Variants in IGF2BP2 observed in about 807,000 individuals in gnomAD.
IGF2BP2 encodes the protein insulin-like growth factor 2 mRNA-binding protein 2.
In IGF2BP2, 17 loss-of-function variants were observed where a neutral mutation model predicts 75.8. That is an observed-to-expected ratio of 0.22 (90% CI 0.15 to 0.34). IGF2BP2 has a LOEUF of 0.34. Among genes scored for constraint, IGF2BP2 ranks in the 10% least tolerant of loss-of-function variants. The pLI is 1.00. For missense variants in IGF2BP2, 516 were observed against 772.4 expected (o/e 0.67, Z 3.93); for synonymous variants, 288 against 295.6 (o/e 0.97, Z 0.26).
chr3:185,808,207 G>T (rs1739309685), intron 2 of IGF2BP2, among the ~76,000 whole-genome samples: 1 of 152,042 alleles, frequency 6.6e-6, no homozygotes, highest in Non-Finnish European at 1.5e-5. Context: ...CGGGCATGGT[G>T]GCTCACACCT....
At chr3:185,673,230 C>T (rs1414175074) in intron 9 of IGF2BP2, among the ~76,000 whole-genome samples, 1 of 152,212 alleles carries the variant, frequency 6.6e-6, no homozygotes, top group African/African-American at 2.4e-5. Context: ...TTACCTCTTC[C>T]CCTTTCAGAC....
intron 2 of IGF2BP2, among the ~76,000 whole-genome samples, chr3:185,780,487 T>C (rs1578276554): frequency 1.3e-5 from 2 of 152,176 alleles, no homozygotes; most frequent in African/African-American, 4.8e-5. Context: ...ACTGCGGGTA[T>C]TTGGTACACT....
At chr3:185,646,574 C>G (rs1214881478) in intron 15 of IGF2BP2, among the ~76,000 whole-genome samples, 1 of 152,014 alleles carries the variant, frequency 6.6e-6, no homozygotes, top group African/African-American at 2.4e-5. Context: ...GTGGTGAGAC[C>G]GAAGAGGAGG....
chr3:185,820,276 A>AC (rs1741205251), intron 2 of IGF2BP2, among the ~76,000 whole-genome samples: 1 of 149,360 alleles, frequency 6.7e-6, no homozygotes, highest in African/African-American at 2.5e-5. Context: ...ACACACACAT[A>AC]ATTTTTAAGT....
intron 2 of IGF2BP2, among the ~76,000 whole-genome samples, chr3:185,759,071 C>T (rs965886096): frequency 6.6e-6 from 1 of 152,206 alleles, no homozygotes; most frequent in Non-Finnish European, 1.5e-5. Flanking sequence ...AGTAGACACA[C>T]AAATGTTTGC....
At chr3:185,691,289 G>A (rs1721920850) in intron 5 of IGF2BP2, among the ~76,000 whole-genome samples, 1 of 150,804 alleles carries the variant, frequency 6.6e-6, no homozygotes, top group Non-Finnish European at 1.5e-5. Context: ...GTAGAGATGG[G>A]GTTTCTCCAT....
rs55701287 is a variant in IGF2BP2 at position 185,713,384 on chromosome 3, C to T, written c.240-15037G>A. 55,231 of 519,418 alleles carry T rather than the reference C, an allele frequency of 0.11. 3,784 individuals are homozygous for T. Among genetic ancestry groups the T allele is most frequent in the African/African-American group, 0.26 (13,306 of 51,924 alleles). 32.2% of individuals were successfully genotyped at this position (519,418 alleles called of 1,614,324 possible). On this transcript the variant is annotated intron_variant, in intron 2 of 15. Coordinates refer to ENST00000382199, the MANE Select transcript of IGF2BP2 (RefSeq NM_006548.6). Reference sequence around the variant, plus strand: ...AGCAGCAGGTGAGGAAAACTTAAGGCATGGCACATTTATTGGAAAAGCAGC... The same window carrying T: ...AGCAGCAGGTGAGGAAAACTTAAGGTATGGCACATTTATTGGAAAAGCAGC...
At chr3:185,671,535 C>CAAAAAAAAAAAAA (rs397706922) in intron 10 of IGF2BP2, among the ~76,000 whole-genome samples, 1 of 88,756 alleles carries the variant, frequency 1.1e-5, no homozygotes, top group African/African-American at 3.7e-5. Context: ...GACTCCATCT[C>CAAAAAAAAAAAAA]AAAAAAAAAA....
chr3:185,749,022 G>C (rs1417017318), intron 2 of IGF2BP2, among the ~76,000 whole-genome samples: 2 of 152,036 alleles, frequency 1.3e-5, no homozygotes, highest in Non-Finnish European at 1.5e-5. Context: ...AAATTAGCTG[G>C]GCATGCTGGC....
chr3:185,823,233 G>A lies in IGF2BP2; in HGVS notation c.179-20C>T. 6.3e-7 allele frequency: 1 copy of A among 1,597,510 alleles called. No individual in the cohort carries two copies. Among genetic ancestry groups the A allele is most frequent in the Admixed American group, 1.7e-5 (1 of 58,624 alleles). ...CTTTACCTTTAAAACAGAAATTAAA[G>A]CACTCAGAACCTTGCTTAGATCAAG... On this transcript the variant is annotated intron_variant, in intron 1 of 15. Transcript: ENST00000382199.
chr3:185,703,251 C>T (rs1723555475), intron 2 of IGF2BP2, among the ~76,000 whole-genome samples: 2 of 152,168 alleles, frequency 1.3e-5, no homozygotes, highest in Non-Finnish European at 2.9e-5. Flanking sequence ...CATATAAATG[C>T]CTCAGCATAC....
chr3:185,669,358 T>TACAC (rs372428281), intron 10 of IGF2BP2, among the ~76,000 whole-genome samples: 1 of 151,304 alleles, frequency 6.6e-6, no homozygotes, highest in Non-Finnish European at 1.5e-5. Context: ...TATATAAATA[T>TACAC]ACACACACAC....
At chr3:185,788,716 T>C (rs181414829) in intron 2 of IGF2BP2, among the ~76,000 whole-genome samples, 11 of 110,888 alleles carry the variant, frequency 9.9e-5, no homozygotes, top group African/African-American at 5.2e-4. Flanking sequence ...ACGACTTTTT[T>C]TTTTTTTTTT....
chr3:185,677,068 T>TATATATAGAGAGAGAGAGAG lies in IGF2BP2; in HGVS notation c.813-1156_813-1155insCTCTCTCTCTCTCTATATAT. Among the ~76,000 whole-genome samples, 21 of 35,854 alleles carry TATATATAGAGAGAGAGAGAG rather than the reference T, an allele frequency of 5.9e-4. 1 individual carries two copies. Among genetic ancestry groups the TATATATAGAGAGAGAGAGAG allele is most frequent in the African/African-American group, 1.6e-3 (10 of 6,394 alleles). The allele number at this position is 35,854 out of a possible 152,430, so 23.5% of individuals were successfully genotyped here. A position where few individuals can be genotyped will look rare whatever the true frequency, so the allele number is the denominator to read the frequency against. ...AGATATATATATATATATATATATA[T>TATATATAGAGAGAGAGAGAG]AGAGAGAGAGAGAGAGAGAGAGAGA... On this transcript the variant is annotated intron_variant, in intron 7 of 15. Transcript: ENST00000382199.
intron 2 of IGF2BP2, among the ~76,000 whole-genome samples, chr3:185,769,247 G>A (rs1733534422): frequency 1.3e-5 from 2 of 151,392 alleles, no homozygotes; most frequent in African/African-American, 4.9e-5. Flanking sequence ...TTAGGCCAAG[G>A]AGTTGAGGTG....
chr3:185,650,513 C>G (rs1452282870), intron 13 of IGF2BP2, among the ~76,000 whole-genome samples: 2 of 151,954 alleles, frequency 1.3e-5, no homozygotes, highest in African/African-American at 4.8e-5. Flanking sequence ...CCCATCTCTA[C>G]TAAAAATACA....
chr3:185,787,010 C>A (rs1370304487), intron 2 of IGF2BP2, among the ~76,000 whole-genome samples: 2 of 152,210 alleles, frequency 1.3e-5, no homozygotes, highest in Non-Finnish European at 2.9e-5. Context: ...CTGCCCAAAT[C>A]TGTCCTGTGG....
At chr3:185,657,207 C>G in intron 12 of IGF2BP2, 79 bp downstream of exon 12, 1 of 940,014 alleles carries the variant, frequency 1.1e-6, no homozygotes, top group Non-Finnish European at 1.7e-6. Flanking sequence ...GTGGCGCTGC[C>G]TGGGACTGAG....
chr3:185,678,751 C>T (rs1719929279), intron 7 of IGF2BP2, among the ~76,000 whole-genome samples: 1 of 152,152 alleles, frequency 6.6e-6, no homozygotes, highest in Non-Finnish European at 1.5e-5. Flanking sequence ...TATCATGTTG[C>T]TAATTATTTC....
Sources: allele counts gnomAD v4.1 joint callset (sites outside exome capture counted in the v4.1 genomes callset), GRCh38; gene constraint gnomAD v4.1.1; transcripts MANE v1.5; gene names NCBI Gene and HGNC (gene_info 2026-07-23, HGNC 2026-07-21).